The following DNER variants were observed in gnomAD, a reference collection of about 807,000 sequenced individuals.
DNER encodes delta/notch like EGF repeat containing.
Under a neutral mutation model 78.2 loss-of-function variants are expected in DNER, and 33 were observed. The ratio of observed to expected loss-of-function variants is 0.42; its 90% CI spans 0.32 to 0.56. The LOEUF (loss-of-function observed/expected upper bound fraction) is 0.56, where lower values mean the gene tolerates loss of function less well. Ranked by LOEUF, DNER falls within the 20% of genes least tolerant of loss-of-function variation. The probability of loss-of-function intolerance (pLI) is 0.11; values close to 1 mark genes in which losing one functional copy is unlikely to be tolerated. For missense variants in DNER, 918 were observed against 975.3 expected (o/e 0.94, Z 0.78); for synonymous variants, 417 against 384.8 (o/e 1.08, Z -0.98).
intron 1 of DNER, among the ~76,000 whole-genome samples, chr2:229,678,923 G>A (rs1368287212): frequency 6.6e-6 from 1 of 152,142 alleles, no homozygotes; most frequent in Non-Finnish European, 1.5e-5. Flanking sequence ...CACAAAGCAG[G>A]AGATCTCACT....
intron 6 of DNER, among the ~76,000 whole-genome samples, chr2:229,506,937 T>C (rs1304013017): frequency 7.2e-5 from 11 of 152,206 alleles, no homozygotes; most frequent in Admixed American, 7.2e-4. Flanking sequence ...ATTTCGTCAT[T>C]ATGCTAATGT....
intron 1 of DNER, among the ~76,000 whole-genome samples, chr2:229,605,065 T>C (rs1302106456): frequency 1.3e-5 from 2 of 152,012 alleles, no homozygotes; most frequent in African/African-American, 2.4e-5. Flanking sequence ...TATTTTTTTT[T>C]CTCCATGAGG....
At chr2:229,665,669 T>C (rs1350641979) in intron 1 of DNER, among the ~76,000 whole-genome samples, 1 of 152,226 alleles carries the variant, frequency 6.6e-6, no homozygotes, top group Non-Finnish European at 1.5e-5. Context: ...CAATGTTAGA[T>C]ATAGTCTACC....
intron 1 of DNER, among the ~76,000 whole-genome samples, chr2:229,677,923 T>C (rs906884977): frequency 6.6e-6 from 1 of 152,184 alleles, no homozygotes; most frequent in Non-Finnish European, 1.5e-5. Flanking sequence ...TCATGTTCTG[T>C]CTAAAGCTTT....
chr2:229,407,944 T>C (rs1186541164), intron 9 of DNER, among the ~76,000 whole-genome samples: 2 of 152,228 alleles, frequency 1.3e-5, no homozygotes, highest in East Asian at 3.9e-4. Context: ...GAGTCGAAGA[T>C]CACAAGCCTG....
intron 1 of DNER, among the ~76,000 whole-genome samples, chr2:229,681,044 T>C (rs1172930015): frequency 6.6e-6 from 1 of 152,198 alleles, no homozygotes. Flanking sequence ...AGGAGAGGCA[T>C]ATATGGGGTA....
intron 11 of DNER, among the ~76,000 whole-genome samples, chr2:229,385,011 A>G (rs1011247506): frequency 2.0e-5 from 3 of 152,078 alleles, no homozygotes; most frequent in Non-Finnish European, 4.4e-5. Flanking sequence ...AAAATCCTCA[A>G]TAAAATACTG....
At chr2:229,396,525 C>T (rs1693148568) in intron 10 of DNER, among the ~76,000 whole-genome samples, 1 of 152,156 alleles carries the variant, frequency 6.6e-6, no homozygotes, top group African/African-American at 2.4e-5. Context: ...TTTGATTCCA[C>T]AGTGGTCACA....
At chr2:229,472,398 A>T (rs935856770) in intron 7 of DNER, among the ~76,000 whole-genome samples, 1 of 152,174 alleles carries the variant, frequency 6.6e-6, no homozygotes, top group Non-Finnish European at 1.5e-5. Context: ...GGAGGCTTTC[A>T]TCACTACTGA....
chr2:229,478,321 G>A (rs1695080070), intron 6 of DNER, among the ~76,000 whole-genome samples: 1 of 152,176 alleles, frequency 6.6e-6, no homozygotes, highest in Non-Finnish European at 1.5e-5. Context: ...ATTAGCACTT[G>A]AATCTGAGAT....
At chr2:229,580,679 G>A (rs922545627) in intron 4 of DNER, among the ~76,000 whole-genome samples, 1 of 152,114 alleles carries the variant, frequency 6.6e-6, no homozygotes, top group Non-Finnish European at 1.5e-5. Context: ...GTAACAAAAC[G>A]AACCATAAGA....
chr2:229,372,465 G>A (rs1244004386), intron 11 of DNER, among the ~76,000 whole-genome samples: 1 of 152,200 alleles, frequency 6.6e-6, no homozygotes, highest in African/African-American at 2.4e-5. Flanking sequence ...CTGTGGGAGG[G>A]GGGTGAGGGA....
chr2:229,667,892 T>C (rs151049293), intron 1 of DNER, among the ~76,000 whole-genome samples: 1 of 152,318 alleles, frequency 6.6e-6, no homozygotes, highest in African/African-American at 2.4e-5. Context: ...GCTCCACCCT[T>C]CACCAGGGAA....
At chr2:229,542,703 C>T (rs1303107496) in intron 5 of DNER, among the ~76,000 whole-genome samples, 1 of 147,434 alleles carries the variant, frequency 6.8e-6, no homozygotes, top group Non-Finnish European at 1.5e-5. Flanking sequence ...TCTTTCATTG[C>T]TAGAAAGCTA....
intron 1 of DNER, among the ~76,000 whole-genome samples, chr2:229,629,310 T>C (rs980545364): frequency 1.7e-4 from 26 of 152,222 alleles, no homozygotes; most frequent in Admixed American, 7.2e-4. Context: ...AGGAGGAATT[T>C]ATAGATAATG....
intron 5 of DNER, among the ~76,000 whole-genome samples, chr2:229,513,998 A>C (rs1290837605): frequency 6.6e-6 from 1 of 152,054 alleles, no homozygotes; most frequent in Non-Finnish European, 1.5e-5. Flanking sequence ...CCATAAGTAC[A>C]ACCCACTGCC....
chr2:229,559,294 G>A (rs1045262034), intron 4 of DNER, among the ~76,000 whole-genome samples: 2 of 152,100 alleles, frequency 1.3e-5, no homozygotes, highest in Admixed American at 1.3e-4. Flanking sequence ...ACTGGGACAG[G>A]GAAAGTGTAC....
At chr2:229,455,715 G>A (rs555942994) in intron 7 of DNER, among the ~76,000 whole-genome samples, 14 of 152,100 alleles carry the variant, frequency 9.2e-5, no homozygotes, top group Non-Finnish European at 1.9e-4. Flanking sequence ...TCTCTGTACA[G>A]GCTCGAAAGG....
intron 4 of DNER, among the ~76,000 whole-genome samples, chr2:229,553,546 AC>A (rs1211217245): frequency 2.0e-5 from 3 of 152,142 alleles, no homozygotes; most frequent in African/African-American, 7.2e-5. Context: ...GGTGAAGGGA[AC>A]CCATCAAGGA....
Sources: gnomAD v4.1 joint callset for allele counts (sites outside exome capture counted in the v4.1 genomes callset) on GRCh38, gnomAD v4.1.1 for gene constraint, MANE v1.5 for transcripts, NCBI Gene and HGNC (gene_info 2026-07-23, HGNC 2026-07-21) for gene names.